Variants in CHRDL1 observed in about 807,000 individuals in gnomAD.
CHRDL1 encodes chordin like 1, also known as chordin-like protein 1.
A neutral mutation model predicts 40.9 loss-of-function variants in CHRDL1; 19 were observed. The ratio of observed to expected loss-of-function variants is 0.46; its 90% confidence interval spans 0.32 to 0.68. CHRDL1 has a LOEUF of 0.68. Ranked by LOEUF, CHRDL1 falls within the 30% of genes least tolerant of loss-of-function variation. CHRDL1 has a pLI of 0.03. For synonymous variants in CHRDL1, 136 were observed against 123.4 expected (o/e 1.10, Z -0.68); for missense variants, 329 against 352.1 (o/e 0.93, Z 0.53).
In CHRDL1 at chrX:110,694,439, C is replaced by G. The variant is rs774464551; in HGVS notation, c.610-108G>C. 63 of 517,623 alleles carry G rather than the reference C, an allele frequency of 1.2e-4. 1 individual carries two copies. The African/African-American group carries it at 1.4e-3, about 12-fold the overall frequency. 42.7% of individuals were successfully genotyped at this position (517,623 alleles called of 1,213,427 possible). ...TAATTTTGATTTATAGTGGTGAGCT[C>G]TGATTTCAGCTGCATGCTTACCTAC... On this transcript the variant is annotated intron_variant, in intron 7 of 11. Transcript: ENST00000372042.
intron 8 of CHRDL1, among the ~76,000 whole-genome samples, chrX:110,689,796 C>T (rs145162217): frequency 0.07 from 131 of 1,873 alleles, 5 homozygotes; most frequent in African/African-American, 0.18. Context: ...TATATCTATA[C>T]ATCTATATAT....
At chrX:110,719,968 G>C (rs375979900) in intron 5 of CHRDL1, 40 bp from the exon 6 acceptor site, 7 of 949,629 alleles carry the variant, frequency 7.4e-6, no homozygotes, top group Non-Finnish European at 7.5e-6. Flanking sequence ...AAGCATCTAG[G>C]ATAAGTGTAA....
intron 9 of CHRDL1, among the ~76,000 whole-genome samples, chrX:110,683,230 C>T (rs1159907354): frequency 2.4e-5 from 1 of 41,762 alleles, no homozygotes; most frequent in Non-Finnish European, 4.5e-5. Context: ...TCATTATTGA[C>T]TTAACTCTGG....
At chrX:110,727,853 A>G (rs1393249688) in intron 4 of CHRDL1, among the ~76,000 whole-genome samples, 2 of 112,107 alleles carry the variant, frequency 1.8e-5, no homozygotes, top group Non-Finnish European at 3.8e-5. Flanking sequence ...CTACAGATAT[A>G]CTTGCACATG....
Position 110,783,025 on chromosome X carries a change from G to A in CHRDL1, c.94+9063C>T, listed in dbSNP as rs73528286. Among the ~76,000 whole-genome samples, 401 of 112,639 alleles carry A rather than the reference G, an allele frequency of 3.6e-3. 2 individuals are homozygous for A. The highest frequency in any genetic ancestry group is 0.012 in the African/African-American group (378 of 31,061). On this transcript the variant is annotated intron_variant, in intron 2 of 11. Transcript: ENST00000372042. ...GGAAGGAGCAAATTTAGGAACTGAAGGCAGACAAGGAGCTGAATGGTCACG... is the reference window on the plus strand; with the variant it reads ...GGAAGGAGCAAATTTAGGAACTGAAAGCAGACAAGGAGCTGAATGGTCACG...
In CHRDL1 at chrX:110,769,200, T is replaced by C. The variant is rs144928633; in HGVS notation, c.95-6393A>G. ...AAGCAACTGACAAATGATTGGTAAA[T>C]TGAATTTCCAAATCAAGTGGTTTAT... On this transcript the variant is annotated intron_variant, in intron 2 of 11. Transcript: ENST00000372042. Among the ~76,000 whole-genome samples, 170 of 112,148 alleles carry C rather than the reference T, an allele frequency of 1.5e-3. 2 individuals are homozygous for C. In the East Asian group the frequency reaches 0.034, roughly 22 times the overall value.
rs2090113774 is a variant in CHRDL1, at chrX:110,792,219, T to C, written c.-34-4A>G. 2.3e-6 allele frequency: 2 copies of C among 864,009 alleles called. No homozygotes were observed. Among genetic ancestry groups the C allele is most frequent in the African/African-American group, 4.1e-5 (2 of 49,333 alleles). The allele number at this position is 864,009 out of a possible 1,213,427, so 71.2% of individuals were successfully genotyped here. A position where few individuals can be genotyped will look rare whatever the true frequency, so the allele number is the denominator to read the frequency against. On this transcript the variant is annotated splice_region_variant and splice_polypyrimidine_tract_variant and intron_variant, in intron 1 of 11. Coordinates refer to ENST00000372042, the MANE Select transcript of CHRDL1 (RefSeq NM_001143981.2). ...AAAAGGTGACAGAACCTTCAAGCTG[T>C]TGGGAAGAAAGCAGAAAAAAGACTT...
intron 2 of CHRDL1, among the ~76,000 whole-genome samples, chrX:110,786,652 C>G (rs2090021661): frequency 8.9e-6 from 1 of 112,250 alleles, no homozygotes; most frequent in African/African-American, 3.2e-5. Context: ...AAGCACAGTC[C>G]TCTTTCCATT....
intron 4 of CHRDL1, among the ~76,000 whole-genome samples, chrX:110,750,231 T>C (rs16986132): frequency 0.025 from 2,767 of 111,944 alleles, 87 homozygotes; most frequent in African/African-American, 0.084. Flanking sequence ...CCTTCAAAGA[T>C]TGGTGAATTT....
In CHRDL1 at chrX:110,689,871, A is replaced by ATATATATCTATATATC. The variant is rs1569462391; in HGVS notation, c.779-1084_779-1069dup. Among the ~76,000 whole-genome samples, 2 of 70,288 alleles carry ATATATATCTATATATC rather than the reference A, an allele frequency of 2.8e-5. 1 individual carries two copies. The highest frequency in any genetic ancestry group is 4.9e-5 in the Non-Finnish European group (2 of 40,853). The allele number at this position is 70,288 out of a possible 115,157, so 61.0% of individuals were successfully genotyped here. On this transcript the variant is annotated intron_variant, in intron 8 of 11. Transcript: ENST00000372042. ...TATATCTATATATATCTATATATCT[A>ATATATATCTATATATC]TATATATCTATATATCTATATATCT...
At chrX:110,696,765 G>A (rs1408104910) in intron 7 of CHRDL1, among the ~76,000 whole-genome samples, 1 of 111,249 alleles carries the variant, frequency 9.0e-6, no homozygotes, top group Non-Finnish European at 1.9e-5. Flanking sequence ...CCTTATGTAA[G>A]TGGTTTGGGG....
At chrX:110,685,962 C>T (rs185952489) in intron 9 of CHRDL1, among the ~76,000 whole-genome samples, 1 of 103,548 alleles carries the variant, frequency 9.7e-6, no homozygotes, top group African/African-American at 3.6e-5. Flanking sequence ...GATCGTGGCT[C>T]GCTGCAGCCA....
intron 4 of CHRDL1, among the ~76,000 whole-genome samples, chrX:110,722,082 C>T (rs766401219): frequency 9.0e-6 from 1 of 111,572 alleles, no homozygotes; most frequent in Admixed American, 9.5e-5. Context: ...ACTGCAACCT[C>T]TGCCTCCTGG....
intron 4 of CHRDL1, among the ~76,000 whole-genome samples, chrX:110,733,532 G>A (rs1182920224): frequency 3.6e-5 from 4 of 111,411 alleles, no homozygotes; most frequent in Admixed American, 9.5e-5. Context: ...AAAGTGTGCC[G>A]CTTTTTAAGT....
intron 4 of CHRDL1, among the ~76,000 whole-genome samples, chrX:110,730,789 T>C (rs1187749180): frequency 9.0e-6 from 1 of 111,528 alleles, no homozygotes; most frequent in Non-Finnish European, 1.9e-5. Flanking sequence ...TCCTGCAACA[T>C]GTTTTCCAGA....
chrX:110,745,735 G>C (rs197035), intron 4 of CHRDL1, among the ~76,000 whole-genome samples: 12,265 of 111,501 alleles, frequency 0.11, 1,633 homozygotes, highest in African/African-American at 0.38. Context: ...TTGTGAACTC[G>C]TCGAGGCAGG....
At chrX:110,742,534 C>T (rs2071380135) in intron 4 of CHRDL1, among the ~76,000 whole-genome samples, 1 of 112,565 alleles carries the variant, frequency 8.9e-6, no homozygotes, top group African/African-American at 3.2e-5. Context: ...AGACATTTGT[C>T]CAGAGCCTAT....
At chrX:110,788,068 A>T (rs2090044282) in intron 2 of CHRDL1, among the ~76,000 whole-genome samples, 1 of 112,360 alleles carries the variant, frequency 8.9e-6, no homozygotes, top group South Asian at 3.7e-4. Context: ...ATTGACTACA[A>T]CTTTAACAAC....
At position 110,689,753 on chromosome X, in the gene CHRDL1, A is replaced by T. The variant is rs1410603937; in HGVS notation, c.779-950T>A. Among the ~76,000 whole-genome samples the T allele has an allele frequency of 2.1e-4, 9 of 43,684 alleles. 1 individual carries two copies. The highest frequency in any genetic ancestry group is 2.8e-4 in the Non-Finnish European group (8 of 28,422). The allele number at this position is 43,684 out of a possible 115,157, so 37.9% of individuals were successfully genotyped here. A position where few individuals can be genotyped will look rare whatever the true frequency, so the allele number is the denominator to read the frequency against. On this transcript the variant is annotated intron_variant, in intron 8 of 11. Coordinates refer to ENST00000372042, the MANE Select transcript of CHRDL1 (RefSeq NM_001143981.2). ...TCTATATATCTATATATATCTATAT[A>T]TCTATATATCTATATATATCTATAT...
Sources: allele counts gnomAD v4.1 joint callset (sites outside exome capture counted in the v4.1 genomes callset), GRCh38; gene constraint gnomAD v4.1.1; transcripts MANE v1.5; gene names NCBI Gene and HGNC (gene_info 2026-07-23, HGNC 2026-07-21).